The following KIF24 variants were observed in gnomAD, a reference collection of about 807,000 sequenced individuals.
The protein encoded by KIF24 is kinesin-like protein KIF24.
In KIF24, 81 loss-of-function variants were observed where a neutral mutation model predicts 118.9. That is an observed-to-expected ratio of 0.68 (90% confidence interval 0.57 to 0.82). The LOEUF is 0.82. Among genes scored for constraint, KIF24 ranks in the 40% least tolerant of loss-of-function variants. KIF24 has a pLI of 0.00. For synonymous variants in KIF24, 599 were observed against 610.0 expected (o/e 0.98, Z 0.27); for missense variants, 1,560 against 1,661.6 (o/e 0.94, Z 1.06).
intron 4 of KIF24, among the ~76,000 whole-genome samples, chr9:34,291,889 G>A (rs1431743062): frequency 6.6e-6 from 1 of 152,022 alleles, no homozygotes; most frequent in African/African-American, 2.4e-5. Context: ...AATGGGTCCC[G>A]CAAACCTGCC....
chr9:34,319,628 G>C (rs1221474146), intron 1 of KIF24: 1 of 887,740 alleles, frequency 1.1e-6, no homozygotes, highest in Non-Finnish European at 1.9e-6. Context: ...TCCGGCCTAA[G>C]GTTGACAAGA....
In KIF24 at chr9:34,319,678, G is replaced by A. The variant is rs1837452866; in HGVS notation, c.-25-8307C>T. ...TAGGGCCTCAGGGTGCACACAGGAT[G>A]GCAGGAGGCAGCCAAAGGCTTCTGA... is the stretch of plus-strand genomic sequence containing the variant. On this transcript the variant is annotated intron_variant, in intron 1 of 12. Coordinates refer to ENST00000402558, the MANE Select transcript of KIF24 (RefSeq NM_194313.4). 4.3e-5 allele frequency: 33 copies of A among 771,688 alleles called. 2 individuals carry two copies. In the South Asian group the frequency reaches 4.7e-4, roughly 11 times the overall value. The allele number at this position is 771,688 out of a possible 1,614,324, so 47.8% of individuals were successfully genotyped here. A position where few individuals can be genotyped will look rare whatever the true frequency, so the allele number is the denominator to read the frequency against.
chr9:34,252,987 TGC>T lies in KIF24; in HGVS notation c.*1391_*1392del. On this transcript the variant is annotated 3_prime_UTR_variant, in exon 13 of 13. Coordinates refer to ENST00000402558, the MANE Select transcript of KIF24 (RefSeq NM_194313.4). The stretch of plus-strand genomic sequence containing the variant: ...GTTTTTGTCCTTGACCTTAATACTG[TGC>T]CATTGTCCCACTTGAGCTTTTGGCT... 1 of 152,588 alleles carries T rather than the reference TGC, an allele frequency of 6.6e-6. No individual in the cohort carries two copies. Among genetic ancestry groups the T allele is most frequent in the Middle Eastern group, 2.7e-3 (1 of 364 alleles). The allele number at this position is 152,588 out of a possible 1,614,324, so 9.5% of individuals were successfully genotyped here. A position where few individuals can be genotyped will look rare whatever the true frequency, so the allele number is the denominator to read the frequency against.
At chr9:34,268,509 C>CTTTT (rs551412725) in intron 8 of KIF24, among the ~76,000 whole-genome samples, 2 of 123,572 alleles carry the variant, frequency 1.6e-5, no homozygotes, top group Admixed American at 8.9e-5. Flanking sequence ...GATTTTCTTT[C>CTTTT]TTTTTTTTTT....
intron 4 of KIF24, among the ~76,000 whole-genome samples, chr9:34,291,346 A>G (rs941802647): frequency 4.6e-5 from 7 of 151,524 alleles, no homozygotes; most frequent in Non-Finnish European, 7.4e-5. Flanking sequence ...TCTTGAGGGG[A>G]AAAAAAAAGC....
At position 34,255,830 on chromosome 9, in the gene KIF24, G is replaced by A; in HGVS notation, c.3777C>T (p.Ile1259=). 7 of 1,614,024 alleles carry A rather than the reference G, an allele frequency of 4.3e-6. No homozygotes were observed. The highest frequency in any genetic ancestry group is 5.9e-6 in the Non-Finnish European group (7 of 1,179,878). Residue 1259 remains isoleucine, a synonymous_variant, in exon 11 of 13, where the codon ATC becomes ATT. Transcript: ENST00000402558. ...AACTTGGCCTTGCTAAGCACCTTGA[G>A]ATCGGCCTGGGTTTGAGCCATGTGA... ...ENVTWLKPRP[I]SRCLARPSSP... is the part of the protein sequence containing the mutation.
Position 34,319,439 on chromosome 9 carries a change from C to T in KIF24, c.-25-8068G>A, listed in dbSNP as rs760766982. The stretch of plus-strand genomic sequence containing the variant: ...GCATGCCACACAAGAAGGACCTGTA[C>T]CTGACCAGCGTGTTCCACGCCACCG... On this transcript the variant is annotated intron_variant, in intron 1 of 12. Coordinates refer to ENST00000402558, the MANE Select transcript of KIF24 (RefSeq NM_194313.4). The T allele has an allele frequency of 2.7e-6, 3 of 1,118,332 alleles. No individual in the cohort carries two copies. The African/African-American group carries it at 4.6e-5, about 17-fold the overall frequency. The allele number at this position is 1,118,332 out of a possible 1,614,324, so 69.3% of individuals were successfully genotyped here.
At chr9:34,269,425 A>T in intron 7 of KIF24, 63 bp from the exon 8 acceptor site, 1 of 819,412 alleles carries the variant, frequency 1.2e-6, no homozygotes, top group South Asian at 2.1e-5. Flanking sequence ...TTTTATTTTT[A>T]TTATTATTTT....
rs918323871 is a variant in KIF24 at position 34,329,243 on chromosome 9, CA to C, written c.-164del. Among the ~76,000 whole-genome samples, 53 of 152,366 alleles carry C rather than the reference CA, an allele frequency of 3.5e-4. No homozygotes were observed. Among genetic ancestry groups the C allele is most frequent in the Admixed American group, 1.6e-3 (25 of 15,306 alleles). ...CGGCGGCCAGGCCGCATCTCCATGGCAACGCCGCCAAGCGCCAGTTCGAACG... is the reference window on the plus strand; with the variant it reads ...CGGCGGCCAGGCCGCATCTCCATGGCACGCCGCCAAGCGCCAGTTCGAACG... On this transcript the variant is annotated 5_prime_UTR_variant, in exon 1 of 13. Coordinates refer to ENST00000402558, the MANE Select transcript of KIF24 (RefSeq NM_194313.4).
intron 6 of KIF24, among the ~76,000 whole-genome samples, chr9:34,272,979 C>A (rs1390678867): frequency 2.6e-5 from 4 of 152,000 alleles, no homozygotes; most frequent in Non-Finnish European, 5.9e-5. Flanking sequence ...CACCTGTAAT[C>A]CCAGCTTCTC....
At chr9:34,264,770 T>C (rs1280172766) in intron 8 of KIF24, among the ~76,000 whole-genome samples, 7 of 152,094 alleles carry the variant, frequency 4.6e-5, no homozygotes, top group Non-Finnish European at 2.9e-5. Context: ...TAAAAAAAGT[T>C]TGGCTCCCTC....
intron 8 of KIF24, among the ~76,000 whole-genome samples, chr9:34,263,757 G>A (rs1280785688): frequency 2.1e-5 from 2 of 95,034 alleles, no homozygotes; most frequent in Non-Finnish European, 4.3e-5. Context: ...TTTTTTTGTA[G>A]AGATGGGGGT....
chr9:34,256,921 T>C lies in KIF24; in HGVS notation c.2686A>G (p.Arg896Gly), dbSNP rs748481568. 6.2e-7 allele frequency: 1 copy of C among 1,613,996 alleles called. No homozygotes were observed. The highest frequency in any genetic ancestry group is 8.5e-7 in the Non-Finnish European group (1 of 1,179,886). The change falls in exon 11 of 13, where the codon AGG becomes GGG. Residue 896 changes from arginine (R) to glycine (G), a missense_variant. Coordinates refer to ENST00000402558, the MANE Select transcript of KIF24 (RefSeq NM_194313.4). ...GCTCTTCTGTGGTTTATGGGGTCCC[T>C]GGAGTCCACCCAGCTTTTAGTTAGA... Reference protein sequence around the residue: ...KDLTKSWVDSRDPINHRRAAL... With the variant: ...KDLTKSWVDSGDPINHRRAAL...
At chr9:34,332,852 C>T (rs1837983640), upstream of KIF24, among the ~76,000 whole-genome samples, 1 of 152,132 alleles carries the variant, frequency 6.6e-6, no homozygotes, top group Non-Finnish European at 1.5e-5. Flanking sequence ...TTTTTCTTCT[C>T]TTCCATTTGT....
intron 1 of KIF24, among the ~76,000 whole-genome samples, chr9:34,313,299 A>C (rs1837228222): frequency 6.6e-6 from 1 of 152,212 alleles, no homozygotes; most frequent in Non-Finnish European, 1.5e-5. Context: ...TGAGATCAGG[A>C]AAAAACAACC....
chr9:34,327,730 G>A (rs1340389346), intron 1 of KIF24, among the ~76,000 whole-genome samples: 2 of 151,842 alleles, frequency 1.3e-5, no homozygotes, highest in Non-Finnish European at 1.5e-5. Flanking sequence ...TTTCCAGATG[G>A]AAAAAATGAG....
At position 34,318,079 on chromosome 9, in the gene KIF24, C is replaced by G. The variant is rs1186309961; in HGVS notation, c.-25-6708G>C. ...ATTGCTTTAAGAATCCTTTCCTCAA[C>G]ATGTAGAAGCCTGATTAGAAAATTA... On this transcript the variant is annotated intron_variant, in intron 1 of 12. Coordinates refer to ENST00000402558, the MANE Select transcript of KIF24 (RefSeq NM_194313.4). This position sits in a 1 kb window ranked among gnomAD's most constrained non-coding sequence, Gnocchi z 4.9. Among the ~76,000 whole-genome samples the G allele has an allele frequency of 6.6e-6, 1 of 151,908 alleles. No homozygotes were observed. Among genetic ancestry groups the G allele is most frequent in the African/African-American group, 2.4e-5 (1 of 41,306 alleles).
At chr9:34,291,248 G>A (rs563757427) in intron 4 of KIF24, among the ~76,000 whole-genome samples, 121 of 152,310 alleles carry the variant, frequency 7.9e-4, no homozygotes, top group Non-Finnish European at 1.3e-3. Context: ...CTTGAAGGCA[G>A]AAGCTGAAAA....
intron 3 of KIF24, among the ~76,000 whole-genome samples, chr9:34,299,702 A>G (rs1356039364): frequency 6.6e-6 from 1 of 152,074 alleles, no homozygotes; most frequent in African/African-American, 2.4e-5. Flanking sequence ...TTTCTATTTC[A>G]AAATAGGTGA....
Sources: gnomAD v4.1 joint callset for allele counts (sites outside exome capture counted in the v4.1 genomes callset) on GRCh38, gnomAD v4.1.1 for gene constraint, Gnocchi (gnomAD v3.1) non-coding constraint, MANE v1.5 for transcripts, NCBI Gene and HGNC (gene_info 2026-07-23, HGNC 2026-07-21) for gene names.